The following CDKL3 variants were observed in gnomAD, a reference collection of about 807,000 sequenced individuals.
CDKL3 encodes cyclin dependent kinase like 3, also known as cyclin-dependent kinase-like 3.
Under a neutral mutation model 69.3 loss-of-function variants are expected in CDKL3, and 65 were observed. The ratio of observed to expected loss-of-function variants is 0.94; its 90% confidence interval spans 0.77 to 1.15. CDKL3 has a LOEUF of 1.15. CDKL3 is among the 50% of genes most tolerant of loss of function. The probability of loss-of-function intolerance (pLI) is 0.00; values close to 1 mark genes in which losing one functional copy is unlikely to be tolerated. For synonymous variants in CDKL3, 202 were observed against 221.6 expected (o/e 0.91, Z 0.79); for missense variants, 652 against 689.2 (o/e 0.95, Z 0.61).
At position 134,306,697 on chromosome 5, in the gene CDKL3, G is replaced by C; in HGVS notation, c.1370C>G (p.Thr457Ser). The change falls in exon 10 of 13, where the codon ACT (threonine) becomes AGT (serine). Residue 457 changes from threonine to serine, a missense_variant. By Grantham distance (58) the Thr-to-Ser change is moderately conservative. Transcript: ENST00000265334. ...SNLFHPSVRL[T>S]ERAKKRRTSS... Reference sequence around the variant, plus strand: ...AGTGCGTCTCTTTTTTGCTCTTTCAGTTAACCTATTATTTAAAAATGAATG... The same window carrying C: ...AGTGCGTCTCTTTTTTGCTCTTTCACTTAACCTATTATTTAAAAATGAATG... 7.3e-7 allele frequency: 1 copy of C among 1,374,340 alleles called. No homozygotes were observed. 85.1% of individuals were successfully genotyped at this position (1,374,340 alleles called of 1,614,324 possible). A position where few individuals can be genotyped will look rare whatever the true frequency, so the allele number is the denominator to read the frequency against.
At position 134,304,422 on chromosome 5, in the gene CDKL3, T is replaced by A; in HGVS notation, c.1604A>T (p.Asp535Val). 6.2e-7 allele frequency: 1 copy of A among 1,611,084 alleles called. No homozygotes were observed. Among genetic ancestry groups the A allele is most frequent in the Non-Finnish European group, 8.5e-7 (1 of 1,178,772 alleles). ...PELPVTIQSKDTKGMEVKQIK... is the reference protein window; with the variant it reads ...PELPVTIQSKVTKGMEVKQIK... Reference sequence around the variant, plus strand: ...ATGTGTACCTTCCATTCCTTTTGTATCTTTTGACTGTATTGTGACAGGCAA... The same window carrying A: ...ATGTGTACCTTCCATTCCTTTTGTAACTTTTGACTGTATTGTGACAGGCAA... The change falls in exon 11 of 13, where the codon GAT (aspartate) becomes GTT (valine). Residue 535 changes from aspartate (D) to valine (V), a missense_variant. By Grantham distance (152) the Asp-to-Val change is radical. Transcript: ENST00000265334.
chr5:134,345,564 T>G (rs1185153232), intron 4 of CDKL3, among the ~76,000 whole-genome samples: 1 of 151,824 alleles, frequency 6.6e-6, no homozygotes, highest in African/African-American at 2.4e-5. Flanking sequence ...GAAAAGAGAG[T>G]CAGCAAAGGG....
At chr5:134,318,964 G>A (rs1305656292) in intron 6 of CDKL3, 1 of 152,956 alleles carries the variant, frequency 6.5e-6, no homozygotes, top group African/African-American at 2.4e-5. Flanking sequence ...TCATTAAAGT[G>A]ATAATTAAAA....
At chr5:134,338,345 G>A (rs1777594703) in intron 4 of CDKL3, among the ~76,000 whole-genome samples, 1 of 151,994 alleles carries the variant, frequency 6.6e-6, no homozygotes, top group Non-Finnish European at 1.5e-5. Context: ...TTCTGATAAG[G>A]TGTAAACCTT....
chr5:134,353,524 A>G (rs1753805724), intron 3 of CDKL3, among the ~76,000 whole-genome samples: 1 of 149,790 alleles, frequency 6.7e-6, no homozygotes, highest in African/African-American at 2.5e-5. Flanking sequence ...TCACAGTACT[A>G]TTTTAAAATC....
chr5:134,322,836 G>A (rs1174093621), intron 4 of CDKL3, among the ~76,000 whole-genome samples: 9 of 152,046 alleles, frequency 5.9e-5, no homozygotes, highest in African/African-American at 9.7e-5. Flanking sequence ...AAAATTAGCC[G>A]GGTGTGGTGG....
chr5:134,308,958 C>A (rs1362806041), intron 7 of CDKL3, among the ~76,000 whole-genome samples: 1 of 152,196 alleles, frequency 6.6e-6, no homozygotes, highest in Non-Finnish European at 1.5e-5. Context: ...AAAACTTTTA[C>A]AAAATAGATT....
At chr5:134,301,888 A>AAAACAAACAAAC (rs113592653) in intron 12 of CDKL3, among the ~76,000 whole-genome samples, 46 of 151,562 alleles carry the variant, frequency 3.0e-4, no homozygotes, top group African/African-American at 9.0e-4. Context: ...CTCCGTCTCA[A>AAAACAAACAAAC]AAACAAACAA....
intron 12 of CDKL3, chr5:134,299,508 C>T: frequency 8.3e-7 from 1 of 1,199,082 alleles, no homozygotes; most frequent in Non-Finnish European, 1.1e-6. Flanking sequence ...ATTAAGAAAA[C>T]ATGAATAATT....
intron 4 of CDKL3, among the ~76,000 whole-genome samples, chr5:134,345,021 C>A (rs1419574026): frequency 6.6e-6 from 1 of 152,030 alleles, no homozygotes; most frequent in Non-Finnish European, 1.5e-5. Flanking sequence ...GCCGAGATCA[C>A]GCCACTGCAC....
intron 4 of CDKL3, among the ~76,000 whole-genome samples, chr5:134,342,168 G>A (rs1750653011): frequency 6.6e-6 from 1 of 152,132 alleles, no homozygotes; most frequent in Non-Finnish European, 1.5e-5. Flanking sequence ...GTATTTTTAT[G>A]CCCGTGCAAT....
chr5:134,320,601 C>A (rs534668667), intron 5 of CDKL3, among the ~76,000 whole-genome samples: 3 of 151,966 alleles, frequency 2.0e-5, no homozygotes, highest in African/African-American at 7.2e-5. Flanking sequence ...TTTAGCCGGG[C>A]GCGGTGGTTC....
intron 12 of CDKL3, among the ~76,000 whole-genome samples, chr5:134,301,785 G>A (rs949990259): frequency 1.3e-5 from 2 of 152,096 alleles, no homozygotes; most frequent in African/African-American, 4.8e-5. Context: ...TACTTGGGAG[G>A]CTGAGGCAGG....
intron 4 of CDKL3, among the ~76,000 whole-genome samples, chr5:134,337,468 C>T (rs955347105): frequency 6.6e-6 from 1 of 152,158 alleles, no homozygotes; most frequent in Admixed American, 6.5e-5. Context: ...CGGAGATATT[C>T]CTATTGGGCC....
intron 3 of CDKL3, among the ~76,000 whole-genome samples, chr5:134,354,809 T>C (rs1383709150): frequency 6.6e-6 from 1 of 151,968 alleles, no homozygotes. Context: ...TAGCCGGACA[T>C]GGTGGCATGT....
chr5:134,364,953 C>A lies in CDKL3; in HGVS notation c.165+1406G>T, dbSNP rs143133512. On this transcript the variant is annotated intron_variant, in intron 2 of 12. Coordinates refer to ENST00000265334, the MANE Select transcript of CDKL3 (RefSeq NM_001113575.2). ...TCCTAAGTAGCTGGGATTACAGGGG[C>A]GCGACACTATGCCTGGCTAATTTTT... Among the ~76,000 whole-genome samples the A allele has an allele frequency of 9.2e-3, 1,386 of 150,526 alleles. 11 individuals are homozygous for A. The highest frequency in any genetic ancestry group is 0.024 in the Middle Eastern group (7 of 294).
intron 12 of CDKL3, among the ~76,000 whole-genome samples, chr5:134,301,139 AG>A (rs2149416372): frequency 1.3e-5 from 2 of 152,262 alleles, no homozygotes; most frequent in South Asian, 4.1e-4. Context: ...CTGGGATTAC[AG>A]GCATGAGCCA....
intron 4 of CDKL3, among the ~76,000 whole-genome samples, chr5:134,347,086 G>A (rs1752083282): frequency 6.6e-6 from 1 of 151,962 alleles, no homozygotes; most frequent in Admixed American, 6.6e-5. Flanking sequence ...CCATAGTAAT[G>A]AAATATGATA....
At chr5:134,369,225 T>C (rs1357709405), upstream of CDKL3, among the ~76,000 whole-genome samples, 1 of 152,220 alleles carries the variant, frequency 6.6e-6, no homozygotes, top group Non-Finnish European at 1.5e-5. Context: ...CTGTAAGACT[T>C]TATGATGCAC....
Sources: gnomAD v4.1 joint callset for allele counts (sites outside exome capture counted in the v4.1 genomes callset) on GRCh38, gnomAD v4.1.1 for gene constraint, MANE v1.5 for transcripts, NCBI Gene and HGNC (gene_info 2026-07-23, HGNC 2026-07-21) for gene names.